The following HSPA14 variants were observed in gnomAD, a reference collection of about 807,000 sequenced individuals.
HSPA14 encodes the protein heat shock protein family A (Hsp70) member 14.
HSPA14 carries 37 observed loss-of-function variants against 65.5 expected under a neutral mutation model. That is an observed-to-expected ratio of 0.56 (90% CI 0.43 to 0.74). HSPA14 has a LOEUF of 0.74. HSPA14 is among the 30% of genes least tolerant of loss of function. HSPA14 has a pLI of 0.00. For missense variants in HSPA14, 564 were observed against 607.6 expected (o/e 0.93, Z 0.75); for synonymous variants, 203 against 214.2 (o/e 0.95, Z 0.46).
intron 3 of HSPA14, chr10:14,845,374 T>G: frequency 1.0e-6 from 1 of 985,374 alleles, no homozygotes; most frequent in Non-Finnish European, 1.2e-6. Context: ...AGTGCTTAGC[T>G]AAATGCTGGA....
chr10:14,867,241 GT>G lies in HSPA14; in HGVS notation c.1154del (p.Leu385TrpfsTer7), dbSNP rs1449591206. 1 of 1,613,826 alleles carries G rather than the reference GT, an allele frequency of 6.2e-7. No individual in the cohort carries two copies. Among genetic ancestry groups the G allele is most frequent in the African/African-American group, 1.3e-5 (1 of 75,022 alleles). On this transcript the variant is annotated frameshift_variant, in exon 11 of 14. Coordinates refer to ENST00000378372, the MANE Select transcript of HSPA14 (RefSeq NM_016299.4). LOFTEE classifies it high-confidence loss of function. ...GAATTCTTATTGGGAAAGAAAACCT[GT>G]TGGTGGAAGACTCTCTTATGATAGA... Reference protein sequence around the residue: ...AGILIGKENLLVEDSLMIECS... With the variant: ...AGILIGKENLXVEDSLMIECS...
At chr10:14,869,319 C>T (rs1292903332) in intron 12 of HSPA14, among the ~76,000 whole-genome samples, 7 of 148,814 alleles carry the variant, frequency 4.7e-5, no homozygotes, top group South Asian at 2.1e-4. Context: ...TTTTTTAAGA[C>T]GGCATCTTGC....
In HSPA14 at chr10:14,838,582, G is replaced by T. The variant is rs1392229139; in HGVS notation, c.57+123G>T. On this transcript the variant is annotated intron_variant, in intron 1 of 13. Coordinates refer to ENST00000378372, the MANE Select transcript of HSPA14 (RefSeq NM_016299.4). ...AGGGATGTCGTGGAGTGGCGTTGCCGCGAGGACACTCCGGAGCGAAGGGCC... is the reference window on the plus strand; with the variant it reads ...AGGGATGTCGTGGAGTGGCGTTGCCTCGAGGACACTCCGGAGCGAAGGGCC... 8 of 947,320 alleles carry T rather than the reference G, an allele frequency of 8.4e-6. No homozygotes were observed. The African/African-American group carries it at 1.0e-4, about 12-fold the overall frequency. 58.7% of individuals were successfully genotyped at this position (947,320 alleles called of 1,614,324 possible).
chr10:14,843,542 TCTC>T (rs772426662), intron 3 of HSPA14: 99 of 1,550,546 alleles, frequency 6.4e-5, no homozygotes, highest in Non-Finnish European at 7.8e-5. Flanking sequence ...CAGACTCCAG[TCTC>T]CTCTTCGAGA....
chr10:14,840,507 C>G (rs781391099), intron 3 of HSPA14, among the ~76,000 whole-genome samples: 7 of 152,166 alleles, frequency 4.6e-5, no homozygotes, highest in Non-Finnish European at 5.9e-5. Flanking sequence ...TTGAATTTTG[C>G]TGAATCTATT....
At chr10:14,862,943 C>T (rs1470620074) in intron 10 of HSPA14, among the ~76,000 whole-genome samples, 2 of 152,204 alleles carry the variant, frequency 1.3e-5, no homozygotes, top group African/African-American at 4.8e-5. Flanking sequence ...CTCAGCCTCC[C>T]AAAGTGCTGG....
At chr10:14,854,733 T>C (rs1369391107) in intron 9 of HSPA14, among the ~76,000 whole-genome samples, 1 of 152,220 alleles carries the variant, frequency 6.6e-6, no homozygotes, top group East Asian at 1.9e-4. Context: ...AATTCTCTTT[T>C]CATCTGTTTA....
chr10:14,838,650 G>A (rs1833925172), intron 1 of HSPA14, 191 bp downstream of exon 1: 1 of 560,500 alleles, frequency 1.8e-6, no homozygotes, highest in African/African-American at 2.0e-5. Context: ...CCGGAAAGTC[G>A]TCTACTCCGC....
chr10:14,867,972 T>C, intron 12 of HSPA14, 63 bp downstream of exon 12: 1 of 1,274,692 alleles, frequency 7.8e-7, no homozygotes, highest in Non-Finnish European at 1.1e-6. Context: ...AGATTCAGTT[T>C]AATATCTTAA....
intron 3 of HSPA14, chr10:14,844,268 C>G (rs1834014680): frequency 1.9e-6 from 2 of 1,079,294 alleles, no homozygotes; most frequent in Admixed American, 4.8e-5. Flanking sequence ...TCACGTAGTT[C>G]ATAGATGTGA....
chr10:14,856,201 G>A (rs925493702), intron 10 of HSPA14, among the ~76,000 whole-genome samples: 3 of 152,138 alleles, frequency 2.0e-5, no homozygotes, highest in Non-Finnish European at 4.4e-5. Context: ...AAAGATATTT[G>A]AATACTTGCT....
intron 3 of HSPA14, chr10:14,843,735 T>A: frequency 6.5e-7 from 1 of 1,537,064 alleles, no homozygotes; most frequent in Non-Finnish European, 8.7e-7. Flanking sequence ...TTGCTATTGG[T>A]GAGGAGGCCA....
chr10:14,860,106 CT>C (rs1832739130), intron 10 of HSPA14, among the ~76,000 whole-genome samples: 1 of 152,070 alleles, frequency 6.6e-6, no homozygotes, highest in African/African-American at 2.4e-5. Context: ...TGAGATAATA[CT>C]TTAGTTTTCT....
intron 13 of HSPA14, 129 bp from the exon 14 acceptor site, chr10:14,871,399 C>T (rs1270778373): frequency 1.6e-6 from 1 of 620,002 alleles, no homozygotes; most frequent in Non-Finnish European, 2.9e-6. Flanking sequence ...TTATTCTTTA[C>T]ATTAATACCC....
At chr10:14,861,191 A>G (rs1045254090) in intron 10 of HSPA14, among the ~76,000 whole-genome samples, 5 of 151,964 alleles carry the variant, frequency 3.3e-5, no homozygotes, top group African/African-American at 1.2e-4. Flanking sequence ...AGTATAGACA[A>G]CTCTCAAGTT....
chr10:14,844,636 TAAG>T lies in HSPA14; in HGVS notation c.222-3969_222-3967del, dbSNP rs957824653. ...TTAGTCTCCTATCAATATAAGGAAA[TAAG>T]AAGTGCCAGGGAGCCGCCATTGTGT... On this transcript the variant is annotated intron_variant, in intron 3 of 13. Transcript: ENST00000378372. 1.1e-4 allele frequency: 112 copies of T among 984,980 alleles called. No homozygotes were observed. The Admixed American group carries it at 2.1e-3, about 18-fold the overall frequency. The allele number at this position is 984,980 out of a possible 1,614,324, so 61.0% of individuals were successfully genotyped here. A position where few individuals can be genotyped will look rare whatever the true frequency, so the allele number is the denominator to read the frequency against.
rs1048623725 is a variant in HSPA14, at chr10:14,842,750, G to A, written c.221+2593G>A. The A allele has an allele frequency of 6.5e-7, 1 of 1,536,462 alleles. No individual in the cohort carries two copies. Among genetic ancestry groups the A allele is most frequent in the African/African-American group, 1.4e-5 (1 of 73,052 alleles). ...TGATCATCAGCCTATCTTGAAAACA[G>A]TTAAGGCATCAGATGAGGATTGTCA... On this transcript the variant is annotated intron_variant, in intron 3 of 13. Transcript: ENST00000378372. The surrounding 1 kb of genome is among the most constrained non-coding windows in gnomAD (Gnocchi z 5.2).
At chr10:14,862,924 TC>T (rs1405984379) in intron 10 of HSPA14, among the ~76,000 whole-genome samples, 1 of 152,196 alleles carries the variant, frequency 6.6e-6, no homozygotes, top group East Asian at 1.9e-4. Flanking sequence ...GCTCAAGAGA[TC>T]CGCCCACCTC....
At chr10:14,852,837 A>C (rs1454848634) in intron 8 of HSPA14, among the ~76,000 whole-genome samples, 1 of 152,194 alleles carries the variant, frequency 6.6e-6, no homozygotes, top group Non-Finnish European at 1.5e-5. Flanking sequence ...TGGTTAAAGG[A>C]GTGTATAGGC....
Sources: allele counts gnomAD v4.1 joint callset (sites outside exome capture counted in the v4.1 genomes callset), GRCh38; gene constraint gnomAD v4.1.1; non-coding constraint Gnocchi (gnomAD v3.1); transcripts MANE v1.5; gene names NCBI Gene and HGNC (gene_info 2026-07-23, HGNC 2026-07-21).